The following GALNT9 variants were observed in gnomAD, a reference collection of about 807,000 sequenced individuals.
The protein encoded by GALNT9 is GalNAc transferase 9.
A neutral mutation model predicts 63.1 loss-of-function variants in GALNT9; 47 were observed. The ratio of observed to expected loss-of-function variants is 0.75; its 90% confidence interval spans 0.59 to 0.95. The LOEUF is 0.95. GALNT9 is among the 40% of genes least tolerant of loss of function. GALNT9 has a pLI of 0.00. For missense variants in GALNT9, 829 were observed against 874.8 expected, an observed-to-expected ratio of 0.95 and a Z score of 0.66; for synonymous variants, 396 against 365.7, an observed-to-expected ratio of 1.08 and a Z score of -0.94.
At chr12:132,198,509 C>T (rs541855394) in intron 9 of GALNT9, among the ~76,000 whole-genome samples, 25 of 151,260 alleles carry the variant, frequency 1.7e-4, no homozygotes, top group African/African-American at 6.1e-4. Context: ...GTCAACAGCA[C>T]TATTGCCGTG....
chr12:132,268,924 C>T (rs547026436), intron 2 of GALNT9, among the ~76,000 whole-genome samples: 1 of 152,350 alleles, frequency 6.6e-6, no homozygotes, highest in East Asian at 1.9e-4. Flanking sequence ...CCACGTGTGG[C>T]GGGTGGGGAC....
At chr12:132,251,402 G>A (rs1593085372) in intron 5 of GALNT9, among the ~76,000 whole-genome samples, 1 of 152,232 alleles carries the variant, frequency 6.6e-6, no homozygotes, top group African/African-American at 2.4e-5. Context: ...GGTGCTCTGC[G>A]TCTTGGGGGG....
chr12:132,301,343 A>T (rs1354526554), intron 1 of GALNT9, among the ~76,000 whole-genome samples: 1 of 152,198 alleles, frequency 6.6e-6, no homozygotes, highest in East Asian at 1.9e-4. Context: ...GGCCTTGGGG[A>T]CCACGGCTGT....
chr12:132,321,636 C>T (rs1049323732), intron 1 of GALNT9, among the ~76,000 whole-genome samples: 3 of 152,146 alleles, frequency 2.0e-5, no homozygotes, highest in Non-Finnish European at 1.5e-5. Context: ...CACCTGCCAC[C>T]GACACCCAGC....
chr12:132,201,644 A>ACGAGGTCAGCCATATCCAC (rs34570945), intron 7 of GALNT9, among the ~76,000 whole-genome samples: 11 of 152,066 alleles, frequency 7.2e-5, no homozygotes, highest in African/African-American at 2.4e-4. Context: ...AGCCATATCC[A>ACGAGGTCAGCCATATCCAC]GAGACCAGCC....
intron 6 of GALNT9, among the ~76,000 whole-genome samples, chr12:132,218,992 G>A (rs1012414746): frequency 6.6e-6 from 1 of 152,056 alleles, no homozygotes; most frequent in African/African-American, 2.4e-5. Context: ...GACCTGTGGA[G>A]TCAGAAGCTC....
intron 6 of GALNT9, among the ~76,000 whole-genome samples, chr12:132,204,658 A>C (rs1003339193): frequency 6.6e-6 from 1 of 151,810 alleles, no homozygotes; most frequent in Non-Finnish European, 1.5e-5. Flanking sequence ...ATGAACTTTC[A>C]CAGCTAAGCC....
intron 6 of GALNT9, among the ~76,000 whole-genome samples, chr12:132,204,682 T>C (rs1876523690): frequency 6.6e-6 from 1 of 151,996 alleles, no homozygotes; most frequent in African/African-American, 2.4e-5. Flanking sequence ...GTCCCCACCA[T>C]CTGCTATTAA....
Position 132,288,730 on chromosome 12 carries a change from G to A in GALNT9, c.239-2300C>T, listed in dbSNP as rs554132693. ...TGAGCGTCGTTCTGGACGGCTGCCC[G>A]ATGCCCAGCATTGGGGGCAGGAGGG... is the stretch of plus-strand genomic sequence containing the variant. On this transcript the variant is annotated intron_variant, in intron 1 of 10. Coordinates refer to ENST00000328957, the MANE Select transcript of GALNT9 (RefSeq NM_001122636.2). Among the ~76,000 whole-genome samples the A allele has an allele frequency of 8.0e-5, 12 of 150,080 alleles. No individual in the cohort carries two copies. In the South Asian group the frequency reaches 1.7e-3, roughly 21 times the overall value.
intron 9 of GALNT9, 73 bp downstream of exon 9, chr12:132,199,101 C>A: frequency 3.0e-6 from 3 of 1,003,434 alleles, no homozygotes; most frequent in Non-Finnish European, 4.6e-6. Context: ...GTGCCTCTGC[C>A]CCAGGGTGTA....
At chr12:132,257,389 C>A (rs552650493) in intron 5 of GALNT9, among the ~76,000 whole-genome samples, 1 of 152,132 alleles carries the variant, frequency 6.6e-6, no homozygotes, top group Admixed American at 6.5e-5. Context: ...GTGGTCTCTG[C>A]TCAGCCCCTG....
At chr12:132,272,891 C>A (rs1196165353) in intron 2 of GALNT9, 2 of 152,322 alleles carry the variant, frequency 1.3e-5, no homozygotes, top group African/African-American at 2.4e-5. Flanking sequence ...CTGCGCCACG[C>A]CTTCCCATCC....
intron 1 of GALNT9, among the ~76,000 whole-genome samples, chr12:132,328,544 C>T (rs28409116): frequency 0.28 from 42,074 of 152,056 alleles, 6,099 homozygotes; most frequent in Middle Eastern, 0.35. Flanking sequence ...CGTCCCCACC[C>T]TCCTCTTTCC....
At chr12:132,264,640 T>A (rs146975216) in intron 2 of GALNT9, among the ~76,000 whole-genome samples, 1 of 152,232 alleles carries the variant, frequency 6.6e-6, no homozygotes, top group East Asian at 1.9e-4. Context: ...CAAACCCACC[T>A]GTCTTCCCAG....
In GALNT9 at chr12:132,197,057, C is replaced by G; in HGVS notation, c.*50G>C. The G allele has an allele frequency of 1.9e-6, 3 of 1,602,058 alleles. No homozygotes were observed. Among genetic ancestry groups the G allele is most frequent in the Non-Finnish European group, 2.6e-6 (3 of 1,172,468 alleles). The stretch of plus-strand genomic sequence containing the variant: ...CACCCCGGTCACTCAGCCACACTGG[C>G]TCGGCCCAGCGCCTTCCCGAGGTCT... On this transcript the variant is annotated 3_prime_UTR_variant, in exon 11 of 11. Transcript: ENST00000328957.
At chr12:132,309,717 G>A (rs1286411582) in intron 1 of GALNT9, among the ~76,000 whole-genome samples, 3 of 152,190 alleles carry the variant, frequency 2.0e-5, no homozygotes, top group Non-Finnish European at 2.9e-5. Flanking sequence ...TTGGACTTCC[G>A]GCCTCCAGAA....
chr12:132,222,132 A>AT (rs1877475962), intron 6 of GALNT9, among the ~76,000 whole-genome samples: 1 of 152,178 alleles, frequency 6.6e-6, no homozygotes, highest in Non-Finnish European at 1.5e-5. Context: ...TTAAAACCTG[A>AT]TAAAGATCAG....
At chr12:132,311,141 G>A (rs1881798976) in intron 1 of GALNT9, among the ~76,000 whole-genome samples, 1 of 152,230 alleles carries the variant, frequency 6.6e-6, no homozygotes, top group African/African-American at 2.4e-5. Flanking sequence ...TGCTAGGCCA[G>A]AAGTGAAGGG....
intron 6 of GALNT9, among the ~76,000 whole-genome samples, chr12:132,206,896 C>T (rs1876730806): frequency 6.6e-6 from 1 of 152,090 alleles, no homozygotes; most frequent in Non-Finnish European, 1.5e-5. Flanking sequence ...GAGACACCAC[C>T]TCCACAGAAA....
Sources: allele counts gnomAD v4.1 joint callset (sites outside exome capture counted in the v4.1 genomes callset), GRCh38; gene constraint gnomAD v4.1.1; transcripts MANE v1.5; gene names NCBI Gene and HGNC (gene_info 2026-07-23, HGNC 2026-07-21).